Variants in SUGCT observed in about 807,000 individuals in gnomAD.
The protein encoded by SUGCT is succinyl-CoA:glutarate-CoA transferase.
A neutral mutation model predicts 55.0 loss-of-function variants in SUGCT; 41 were observed. The observed-to-expected ratio is 0.74, with a 90% confidence interval of 0.58 to 0.97. SUGCT has a LOEUF of 0.97. Among genes scored for constraint, SUGCT ranks in the 50% least tolerant of loss-of-function variants. The probability of loss-of-function intolerance (pLI) is 0.00; values close to 1 mark genes in which losing one functional copy is unlikely to be tolerated. For synonymous variants in SUGCT, 187 were observed against 200.4 expected (o/e 0.93, Z 0.56); for missense variants, 568 against 547.8 (o/e 1.04, Z -0.37).
At chr7:40,157,477 C>G (rs1783954669) in intron 1 of SUGCT, among the ~76,000 whole-genome samples, 1 of 152,154 alleles carries the variant, frequency 6.6e-6, no homozygotes, top group South Asian at 2.1e-4. Context: ...AATAATAACT[C>G]TGATCTCTGC....
intron 12 of SUGCT, among the ~76,000 whole-genome samples, chr7:40,729,968 A>G (rs1399799447): frequency 6.6e-6 from 1 of 152,168 alleles, no homozygotes; most frequent in Admixed American, 6.5e-5. Context: ...TGATTATAAA[A>G]CACTGTGCAA....
At chr7:40,360,652 T>C (rs1434329038) in intron 9 of SUGCT, among the ~76,000 whole-genome samples, 1 of 152,072 alleles carries the variant, frequency 6.6e-6, no homozygotes, top group Non-Finnish European at 1.5e-5. Context: ...TTAGAAGAAG[T>C]AAAATCTCTG....
chr7:40,593,178 C>A (rs1356816073), intron 12 of SUGCT, among the ~76,000 whole-genome samples: 1 of 152,120 alleles, frequency 6.6e-6, no homozygotes, highest in Non-Finnish European at 1.5e-5. Flanking sequence ...GCCTTGGAAT[C>A]CAGAGCAGGG....
At chr7:40,888,540 T>C in the SUGCT span, among the ~76,000 whole-genome samples, 81 of 152,290 alleles carry the variant, frequency 5.3e-4, no homozygotes, top group Middle Eastern at 3.4e-3. Flanking sequence ...TAAGCTTGAT[T>C]TGCATAGGAA....
chr7:40,734,817 G>A (rs371229014), intron 12 of SUGCT, among the ~76,000 whole-genome samples: 7 of 152,312 alleles, frequency 4.6e-5, no homozygotes, highest in African/African-American at 1.4e-4. Context: ...AATGGCTTCT[G>A]AAGAGGATGA....
intron 13 of SUGCT, among the ~76,000 whole-genome samples, chr7:40,806,492 T>G (rs12666544): frequency 1.3e-5 from 2 of 151,916 alleles, no homozygotes; most frequent in Admixed American, 1.3e-4. Flanking sequence ...TCTTTTTTAC[T>G]TTTTTCCCTA....
intron 7 of SUGCT, among the ~76,000 whole-genome samples, chr7:40,267,727 C>G (rs1438512928): frequency 1.3e-5 from 2 of 152,146 alleles, no homozygotes; most frequent in East Asian, 3.9e-4. Context: ...TACTTAGGCA[C>G]TTTACAGTCA....
chr7:40,430,652 A>T (rs1787844512), intron 9 of SUGCT, among the ~76,000 whole-genome samples: 1 of 152,120 alleles, frequency 6.6e-6, no homozygotes, highest in Admixed American at 6.6e-5. Context: ...TGCTATGCAG[A>T]ATCTTTTAAG....
At chr7:40,186,122 T>TTCCTTCCTTCCTTCCTTC (rs1562561343) in intron 3 of SUGCT, among the ~76,000 whole-genome samples, 1 of 130,624 alleles carries the variant, frequency 7.7e-6, no homozygotes, top group African/African-American at 4.2e-5. Context: ...TTCCTTCCTT[T>TTCCTTCCTTCCTTCCTTC]CTTTCCTTCT....
chr7:40,531,850 T>C (rs1794112565), intron 12 of SUGCT, among the ~76,000 whole-genome samples: 1 of 152,096 alleles, frequency 6.6e-6, no homozygotes, highest in Non-Finnish European at 1.5e-5. Flanking sequence ...ATTTTTTATA[T>C]TTTTAGTAGA....
At chr7:40,395,489 C>CAAAAAAAAAAA (rs36068766) in intron 9 of SUGCT, among the ~76,000 whole-genome samples, 9 of 46,128 alleles carry the variant, frequency 2.0e-4, no homozygotes, top group South Asian at 9.1e-4. Context: ...AACTCTGTCT[C>CAAAAAAAAAAA]AAAAAAAAAA....
intron 11 of SUGCT, among the ~76,000 whole-genome samples, chr7:40,463,964 A>G (rs895722863): frequency 6.6e-6 from 1 of 152,106 alleles, no homozygotes; most frequent in African/African-American, 2.4e-5. Context: ...GGAGCAACAA[A>G]CTCTTAAACC....
chr7:40,405,694 C>T (rs1786322097), intron 9 of SUGCT, among the ~76,000 whole-genome samples: 1 of 151,734 alleles, frequency 6.6e-6, no homozygotes, highest in Non-Finnish European at 1.5e-5. Flanking sequence ...CCTGTAGTCC[C>T]AGCTACTCGG....
chr7:40,261,265 G>T (rs556175197), intron 7 of SUGCT, among the ~76,000 whole-genome samples: 12 of 152,232 alleles, frequency 7.9e-5, no homozygotes, highest in African/African-American at 2.4e-4. Flanking sequence ...TCAGAGAAGA[G>T]GTTTTAGTTA....
the SUGCT span, among the ~76,000 whole-genome samples, chr7:40,866,254 C>T: frequency 6.6e-6 from 1 of 152,276 alleles, no homozygotes; most frequent in African/African-American, 2.4e-5. Context: ...CATAGCATCT[C>T]TTGGTATGAG....
At chr7:40,376,253 T>C (rs1784536192) in intron 9 of SUGCT, among the ~76,000 whole-genome samples, 1 of 152,240 alleles carries the variant, frequency 6.6e-6, no homozygotes, top group East Asian at 1.9e-4. Context: ...TTGCAAATTT[T>C]ATGTATGTAT....
chr7:40,506,734 G>A (rs1792622281), intron 12 of SUGCT, among the ~76,000 whole-genome samples: 1 of 151,436 alleles, frequency 6.6e-6, no homozygotes, highest in African/African-American at 2.4e-5. Context: ...TTTTTTGTCT[G>A]TGTTCTGCAT....
chr7:40,817,407 G>A (rs1039878886), intron 13 of SUGCT, among the ~76,000 whole-genome samples: 4 of 152,126 alleles, frequency 2.6e-5, no homozygotes, highest in Admixed American at 6.5e-5. Context: ...GATAGAGGCC[G>A]GGAGTAGTGA....
chr7:40,195,512 C>T (rs1370617736), intron 6 of SUGCT, among the ~76,000 whole-genome samples: 2 of 151,950 alleles, frequency 1.3e-5, no homozygotes, highest in Admixed American at 6.6e-5. Context: ...TGAGCCACCA[C>T]GTCCGGCCTT....
Sources: gnomAD v4.1 joint callset for allele counts (sites outside exome capture counted in the v4.1 genomes callset) on GRCh38, gnomAD v4.1.1 for gene constraint, MANE v1.5 for transcripts, NCBI Gene and HGNC (gene_info 2026-07-23, HGNC 2026-07-21) for gene names.